IGF1R: variants seen among roughly 807,000 people sequenced by gnomAD.
IGF1R encodes insulin like growth factor 1 receptor, also known as insulin-like growth factor 1 receptor.
IGF1R carries 44 observed loss-of-function variants against 144.6 expected under a neutral mutation model. That is an observed-to-expected ratio of 0.30 (90% CI 0.24 to 0.39). The LOEUF (loss-of-function observed/expected upper bound fraction) is 0.39, where lower values mean the gene tolerates loss of function less well. IGF1R is among the 10% of genes least tolerant of loss of function. The pLI, the probability that IGF1R is intolerant of heterozygous loss-of-function variation, is 1.00. For synonymous variants in IGF1R, 795 were observed against 722.8 expected (o/e 1.10, Z -1.60); for missense variants, 1,355 against 1,833.7 (o/e 0.74, Z 4.77).
Position 98,773,102 on chromosome 15 carries a change from T to C in IGF1R, c.640+64995T>C, listed in dbSNP as rs1049621177. ...ATAGATAAGAGAATTAGAAAGTTGT[T>C]TCCAGCGTGTGAACTTTTATGATTT... is the stretch of plus-strand genomic sequence containing the variant. On this transcript the variant is annotated intron_variant, in intron 2 of 20. Coordinates refer to ENST00000650285, the MANE Select transcript of IGF1R (RefSeq NM_000875.5). Among the ~76,000 whole-genome samples, 14 of 152,208 alleles carry C rather than the reference T, an allele frequency of 9.2e-5. 1 individual carries two copies. The highest frequency in any genetic ancestry group is 9.2e-4 in the Admixed American group (14 of 15,284).
At position 98,704,706 on chromosome 15, in the gene IGF1R, A is replaced by G. The variant is rs577618767; in HGVS notation, c.95-2856A>G. Among the ~76,000 whole-genome samples, 1 of 152,240 alleles carries G rather than the reference A, an allele frequency of 6.6e-6. No individual in the cohort carries two copies. Among genetic ancestry groups the G allele is most frequent in the South Asian group, 2.1e-4 (1 of 4,818 alleles). On this transcript the variant is annotated intron_variant, in intron 1 of 20. Coordinates refer to ENST00000650285, the MANE Select transcript of IGF1R (RefSeq NM_000875.5). The surrounding 1 kb of genome is among the most constrained non-coding windows in gnomAD (Gnocchi z 4.9). ...ACCAACTGGAGCTGCGGTGAGAGAGACCATGAAAAGAAGGGCCAGAGCGGT... is the reference window on the plus strand; with the variant it reads ...ACCAACTGGAGCTGCGGTGAGAGAGGCCATGAAAAGAAGGGCCAGAGCGGT...
chr15:98,695,965 C>T (rs1289018340), intron 1 of IGF1R, among the ~76,000 whole-genome samples: 2 of 147,358 alleles, frequency 1.4e-5, no homozygotes, highest in Non-Finnish European at 3.0e-5. Flanking sequence ...TTCAGGGTCT[C>T]TCCCCTGGCC....
intron 2 of IGF1R, among the ~76,000 whole-genome samples, chr15:98,845,077 A>G (rs975606661): frequency 2.6e-5 from 4 of 152,166 alleles, no homozygotes; most frequent in African/African-American, 9.7e-5. Flanking sequence ...CCGTGGAACG[A>G]CCTGGGCAGT....
chr15:98,792,343 A>T (rs1201835185), intron 2 of IGF1R, among the ~76,000 whole-genome samples: 2 of 152,242 alleles, frequency 1.3e-5, no homozygotes, highest in Non-Finnish European at 2.9e-5. Context: ...CTTAGCATTT[A>T]TAAGGCATTT....
intron 2 of IGF1R, among the ~76,000 whole-genome samples, chr15:98,870,081 CT>C (rs2012702159): frequency 6.6e-6 from 1 of 152,160 alleles, no homozygotes; most frequent in African/African-American, 2.4e-5. Context: ...AAAAGTAAGT[CT>C]TTTAAAAACT....
chr15:98,911,452 G>A lies in IGF1R; in HGVS notation c.1589+11G>A. 1.9e-6 allele frequency: 3 copies of A among 1,614,166 alleles called. No individual in the cohort carries two copies. The highest frequency in any genetic ancestry group is 2.5e-6 in the Non-Finnish European group (3 of 1,180,010). On this transcript the variant is annotated intron_variant, in intron 7 of 20. Transcript: ENST00000650285. ...TTACTACAAGGAAGCGTGAGTTTCT[G>A]CTTTGGGTGATGCCATTCTGTTGAC...
rs2015587346 is a variant in IGF1R at position 98,923,695 on chromosome 15, A to G, written c.2486-181A>G. 4 of 614,734 alleles carry G rather than the reference A, an allele frequency of 6.5e-6. No individual in the cohort carries two copies. The African/African-American group carries it at 7.3e-5, about 11-fold the overall frequency. 38.1% of individuals were successfully genotyped at this position (614,734 alleles called of 1,614,324 possible). A position where few individuals can be genotyped will look rare whatever the true frequency, so the allele number is the denominator to read the frequency against. ...CTGTGTGAGCAGCCCGCTCAGGGGC[A>G]GTGTACGTGGCTGATCTCCACTGTC... On this transcript the variant is annotated intron_variant, in intron 11 of 20. Coordinates refer to ENST00000650285, the MANE Select transcript of IGF1R (RefSeq NM_000875.5).
At chr15:98,946,623 C>T (rs1287309711) in intron 19 of IGF1R, among the ~76,000 whole-genome samples, 2 of 152,158 alleles carry the variant, frequency 1.3e-5, no homozygotes, top group Non-Finnish European at 2.9e-5. Context: ...TGACAGCAGG[C>T]AGACTGCTCG....
At chr15:98,711,623 G>A (rs76140079) in intron 2 of IGF1R, among the ~76,000 whole-genome samples, 2,317 of 151,686 alleles carry the variant, frequency 0.015, 26 homozygotes, top group Middle Eastern at 0.027. Context: ...GAACATAGTT[G>A]TGTGGCACCC....
intron 2 of IGF1R, among the ~76,000 whole-genome samples, chr15:98,838,256 G>A (rs1178512296): frequency 6.7e-6 from 1 of 150,034 alleles, no homozygotes; most frequent in African/African-American, 2.5e-5. Flanking sequence ...GACTCACTGT[G>A]GTCTTCAGCA....
intron 2 of IGF1R, among the ~76,000 whole-genome samples, chr15:98,760,206 C>A (rs1318459345): frequency 6.6e-6 from 1 of 151,658 alleles, no homozygotes; most frequent in African/African-American, 2.4e-5. Flanking sequence ...CAAAAACTAG[C>A]TGGGCATGGT....
chr15:98,757,830 C>G (rs2055193329), intron 2 of IGF1R, among the ~76,000 whole-genome samples: 1 of 152,164 alleles, frequency 6.6e-6, no homozygotes, highest in Non-Finnish European at 1.5e-5. Flanking sequence ...TTGCTTTCAT[C>G]TTATTCAATG....
At chr15:98,897,456 A>G (rs974432128) in intron 4 of IGF1R, 3 of 156,088 alleles carry the variant, frequency 1.9e-5, no homozygotes, top group Non-Finnish European at 4.3e-5. Flanking sequence ...ACCCCTGTAC[A>G]ATGACCTTTA....
chr15:98,862,798 G>T (rs187777392), intron 2 of IGF1R, among the ~76,000 whole-genome samples: 1 of 152,148 alleles, frequency 6.6e-6, no homozygotes, highest in Non-Finnish European at 1.5e-5. Context: ...TTTTAAAAAC[G>T]TTTATTAACT....
intron 2 of IGF1R, among the ~76,000 whole-genome samples, chr15:98,751,395 G>A (rs919608317): frequency 2.6e-5 from 4 of 151,980 alleles, no homozygotes; most frequent in African/African-American, 9.7e-5. Context: ...TTTTGTAGAA[G>A]TGATGCCTCG....
intron 20 of IGF1R, among the ~76,000 whole-genome samples, chr15:98,949,767 C>A (rs973546405): frequency 1.3e-5 from 2 of 152,174 alleles, no homozygotes; most frequent in Non-Finnish European, 2.9e-5. Flanking sequence ...GTTGGTGAGG[C>A]CTCTCTGCTC....
Position 98,962,578 on chromosome 15 carries a change from G to A in IGF1R, c.*5136G>A, listed in dbSNP as rs1165844768. ...TTCATTTTTGGCCTTCATCTTAGATGACTGGTTGCGTCATTTGGAGAAGTG... is the reference window on the plus strand; with the variant it reads ...TTCATTTTTGGCCTTCATCTTAGATAACTGGTTGCGTCATTTGGAGAAGTG... On this transcript the variant is annotated 3_prime_UTR_variant, in exon 21 of 21. Coordinates refer to ENST00000650285, the MANE Select transcript of IGF1R (RefSeq NM_000875.5). 3 of 233,676 alleles carry A rather than the reference G, an allele frequency of 1.3e-5. No individual in the cohort carries two copies. The highest frequency in any genetic ancestry group is 2.5e-5 in the Non-Finnish European group (3 of 118,126). The allele number at this position is 233,676 out of a possible 1,614,324, so 14.5% of individuals were successfully genotyped here.
intron 2 of IGF1R, among the ~76,000 whole-genome samples, chr15:98,710,343 G>A (rs76160896): frequency 5.3e-5 from 8 of 152,218 alleles, no homozygotes; most frequent in African/African-American, 1.9e-4. Context: ...TCAGGCATGG[G>A]CATATTTCTT....
At chr15:98,906,397 A>C (rs1026887875) in intron 5 of IGF1R, among the ~76,000 whole-genome samples, 1 of 152,226 alleles carries the variant, frequency 6.6e-6, no homozygotes, top group Non-Finnish European at 1.5e-5. Context: ...AGGTACCTGG[A>C]AGCAGCCCGA....
Sources: allele counts gnomAD v4.1 joint callset (sites outside exome capture counted in the v4.1 genomes callset), GRCh38; gene constraint gnomAD v4.1.1; non-coding constraint Gnocchi (gnomAD v3.1); transcripts MANE v1.5; gene names NCBI Gene and HGNC (gene_info 2026-07-23, HGNC 2026-07-21).